Variants in NRXN3 observed in about 807,000 individuals in gnomAD.
NRXN3 encodes the protein neurexin 3.
Under a neutral mutation model 137.6 loss-of-function variants are expected in NRXN3, and 32 were observed. The ratio of observed to expected loss-of-function variants is 0.23; its 90% CI spans 0.18 to 0.31. The LOEUF is 0.31. NRXN3 is among the 10% of genes least tolerant of loss of function. NRXN3 has a pLI of 1.00. For synonymous variants in NRXN3, 798 were observed against 784.5 expected (o/e 1.02, Z -0.29); for missense variants, 1,574 against 2,062.5 (o/e 0.76, Z 4.59).
At chr14:78,393,618 T>G (rs2091060313) in intron 4 of NRXN3, among the ~76,000 whole-genome samples, 1 of 152,076 alleles carries the variant, frequency 6.6e-6, no homozygotes, top group African/African-American at 2.4e-5. Context: ...TCCATACACA[T>G]TTTTAAATAA....
intron 4 of NRXN3, among the ~76,000 whole-genome samples, chr14:78,378,622 T>G (rs1024124269): frequency 2.0e-5 from 3 of 151,680 alleles, no homozygotes; most frequent in Non-Finnish European, 4.4e-5. Context: ...AGGAAAAGTC[T>G]CAAATCAATA....
At chr14:79,214,916 C>T (rs994764149) in intron 15 of NRXN3, among the ~76,000 whole-genome samples, 1 of 152,134 alleles carries the variant, frequency 6.6e-6, no homozygotes, top group African/African-American at 2.4e-5. Context: ...TTCCTTCCTC[C>T]TCTTTTTCCT....
intron 6 of NRXN3, among the ~76,000 whole-genome samples, chr14:78,675,173 G>T (rs748024539): frequency 6.6e-6 from 1 of 152,112 alleles, no homozygotes; most frequent in Non-Finnish European, 1.5e-5. Context: ...CTAAATAAGA[G>T]GCAGAATTGG....
chr14:78,241,772 T>C (rs1387565201), intron 1 of NRXN3, among the ~76,000 whole-genome samples: 2 of 152,086 alleles, frequency 1.3e-5, no homozygotes, highest in African/African-American at 2.4e-5. Context: ...AAGTGCCACA[T>C]ACAGGAGCTA....
chr14:78,820,322 A>G (rs2098947101), intron 10 of NRXN3, among the ~76,000 whole-genome samples: 1 of 149,812 alleles, frequency 6.7e-6, no homozygotes, highest in Non-Finnish European at 1.5e-5. Flanking sequence ...TTTCCAGAAT[A>G]ATTAGCCACA....
chr14:79,835,100 A>C (rs1568403760), intron 20 of NRXN3, among the ~76,000 whole-genome samples: 1 of 152,108 alleles, frequency 6.6e-6, no homozygotes, highest in Non-Finnish European at 1.5e-5. Flanking sequence ...TAAGTTCAAG[A>C]GATCTATTGC....
intron 10 of NRXN3, among the ~76,000 whole-genome samples, chr14:78,879,860 C>A (rs1252174982): frequency 6.6e-6 from 1 of 151,394 alleles, no homozygotes; most frequent in Non-Finnish European, 1.5e-5. Flanking sequence ...ATGGAGGGAC[C>A]CCCCCTGCCC....
At chr14:78,694,376 C>T (rs1335864276) in intron 6 of NRXN3, among the ~76,000 whole-genome samples, 1 of 151,804 alleles carries the variant, frequency 6.6e-6, no homozygotes, top group Non-Finnish European at 1.5e-5. Context: ...CTCTTTTCTG[C>T]TTGTAGGCTC....
chr14:78,311,869 G>A (rs543590622), intron 4 of NRXN3, among the ~76,000 whole-genome samples: 14 of 152,198 alleles, frequency 9.2e-5, no homozygotes, highest in African/African-American at 3.1e-4. Context: ...TCAAATCTTA[G>A]AAGCATATAA....
At chr14:78,474,612 G>A (rs1479832668) in intron 4 of NRXN3, among the ~76,000 whole-genome samples, 1 of 152,080 alleles carries the variant, frequency 6.6e-6, no homozygotes, top group Non-Finnish European at 1.5e-5. Context: ...CTAAAAATAA[G>A]TTCCTGGTTG....
At chr14:78,739,427 G>T (rs2098554791) in intron 8 of NRXN3, among the ~76,000 whole-genome samples, 1 of 152,148 alleles carries the variant, frequency 6.6e-6, no homozygotes, top group African/African-American at 2.4e-5. Context: ...AAGAACTTTG[G>T]TTGCCCTCCA....
intron 1 of NRXN3, among the ~76,000 whole-genome samples, chr14:78,191,804 C>T (rs1420807260): frequency 6.6e-6 from 1 of 152,174 alleles, no homozygotes; most frequent in Non-Finnish European, 1.5e-5. Context: ...GTGGCAAGTA[C>T]CACCATGCCG....
chr14:78,578,907 T>C lies in NRXN3; in HGVS notation c.758-66213T>C, dbSNP rs141070652. Among the ~76,000 whole-genome samples the C allele has an allele frequency of 3.5e-3, 538 of 151,946 alleles. 4 individuals are homozygous for C. Among genetic ancestry groups the C allele is most frequent in the East Asian group, 0.015 (76 of 5,168 alleles). ...ACAGGCTCTTTTTTCCTAGTGCTTC[T>C]GTGGTGTTTGTTTTTCATTGTGCCA... On this transcript the variant is annotated intron_variant, in intron 4 of 20. Coordinates refer to ENST00000335750, the MANE Select transcript of NRXN3 (RefSeq NM_001330195.2).
chr14:78,871,494 TA>T, intron 10 of NRXN3, among the ~76,000 whole-genome samples: 1 of 152,268 alleles, frequency 6.6e-6, no homozygotes, highest in South Asian at 2.1e-4. Context: ...TTTGGGTTAA[TA>T]TAAGTCTTTA....
At chr14:78,357,122 TGCGACTTG>T (rs1219494490) in intron 4 of NRXN3, among the ~76,000 whole-genome samples, 5 of 152,190 alleles carry the variant, frequency 3.3e-5, no homozygotes, top group Admixed American at 3.3e-4. Flanking sequence ...AAGACATACC[TGCGACTTG>T]GCAGTTTACA....
chr14:78,422,815 G>C (rs1217140752), intron 4 of NRXN3, among the ~76,000 whole-genome samples: 1 of 152,162 alleles, frequency 6.6e-6, no homozygotes, highest in African/African-American at 2.4e-5. Context: ...GACTGGAAAA[G>C]GGCTATGAAA....
At chr14:79,149,205 G>A (rs75883039) in intron 15 of NRXN3, among the ~76,000 whole-genome samples, 4,357 of 152,210 alleles carry the variant, frequency 0.029, 109 homozygotes, top group East Asian at 0.065. Context: ...TGCGAGGGAA[G>A]CCAGATCATT....
chr14:78,536,174 C>T (rs1301484065), intron 4 of NRXN3, among the ~76,000 whole-genome samples: 1 of 152,158 alleles, frequency 6.6e-6, no homozygotes, highest in Non-Finnish European at 1.5e-5. Context: ...AATGGATCTG[C>T]TTTGTATCCT....
chr14:79,144,606 C>A (rs2059121495), intron 15 of NRXN3, among the ~76,000 whole-genome samples: 1 of 152,110 alleles, frequency 6.6e-6, no homozygotes, highest in Non-Finnish European at 1.5e-5. Flanking sequence ...TAAGTTTTGG[C>A]CAGTGAAGAT....
Sources: gnomAD v4.1 joint callset for allele counts (sites outside exome capture counted in the v4.1 genomes callset) on GRCh38, gnomAD v4.1.1 for gene constraint, MANE v1.5 for transcripts, NCBI Gene and HGNC (gene_info 2026-07-23, HGNC 2026-07-21) for gene names.